NRXN3: variants seen among roughly 807,000 people sequenced by gnomAD.
NRXN3 encodes the protein neurexin 3, also known as neurexin III.
NRXN3 carries 32 observed loss-of-function variants against 137.6 expected under a neutral mutation model. The observed-to-expected ratio is 0.23, with a 90% CI of 0.18 to 0.31. The LOEUF is 0.31. NRXN3 is among the 10% of genes least tolerant of loss of function. NRXN3 has a pLI of 1.00. For synonymous variants in NRXN3, 798 were observed against 784.5 expected (o/e 1.02, Z -0.29); for missense variants, 1,574 against 2,062.5 (o/e 0.76, Z 4.59).
At chr14:79,776,516 G>A (rs1436294622) in intron 19 of NRXN3, among the ~76,000 whole-genome samples, 1 of 152,176 alleles carries the variant, frequency 6.6e-6, no homozygotes, top group Non-Finnish European at 1.5e-5. Context: ...CCATGGGCAT[G>A]GTTATCTCAT....
chr14:78,175,572 G>A (rs1182158534), intron 1 of NRXN3, among the ~76,000 whole-genome samples: 3 of 152,230 alleles, frequency 2.0e-5, no homozygotes, highest in Admixed American at 2.0e-4. Context: ...ACCTGCTGGG[G>A]GAAGAACTGT....
chr14:78,613,780 C>T (rs1246183282), intron 4 of NRXN3, among the ~76,000 whole-genome samples: 1 of 151,882 alleles, frequency 6.6e-6, no homozygotes, highest in African/African-American at 2.4e-5. Flanking sequence ...AGAAGGAAAT[C>T]CTAACAGAAC....
chr14:78,273,967 C>T (rs17828054), intron 2 of NRXN3, among the ~76,000 whole-genome samples: 25,397 of 152,150 alleles, frequency 0.17, 2,481 homozygotes, highest in Middle Eastern at 0.23. Flanking sequence ...GACTGGGACT[C>T]GCCTACAGGA....
chr14:79,617,145 G>A (rs1446911853), intron 16 of NRXN3, among the ~76,000 whole-genome samples: 1 of 152,104 alleles, frequency 6.6e-6, no homozygotes, highest in East Asian at 1.9e-4. Flanking sequence ...TTGACTCCAG[G>A]AATTGCTCTC....
chr14:79,812,882 G>A lies in NRXN3; in HGVS notation c.4093+7692G>A, dbSNP rs141976477. Among the ~76,000 whole-genome samples the A allele has an allele frequency of 1.1e-3, 164 of 152,220 alleles. 2 individuals are homozygous for A. Among genetic ancestry groups the A allele is most frequent in the African/African-American group, 1.7e-3 (71 of 41,542 alleles). On this transcript the variant is annotated intron_variant, in intron 20 of 20. Coordinates refer to ENST00000335750, the MANE Select transcript of NRXN3 (RefSeq NM_001330195.2). ...TGAGCTTAATGACATCATTAAGCAAGTCCCCCAAAAATAAATAAAGAGGGA... is the reference window on the plus strand; with the variant it reads ...TGAGCTTAATGACATCATTAAGCAAATCCCCCAAAAATAAATAAAGAGGGA...
At chr14:78,697,542 A>G (rs532274578) in intron 6 of NRXN3, among the ~76,000 whole-genome samples, 13 of 152,060 alleles carry the variant, frequency 8.5e-5, no homozygotes, top group Admixed American at 7.2e-4. Context: ...TTGATTTTGC[A>G]TGGCATAAGG....
intron 19 of NRXN3, among the ~76,000 whole-genome samples, chr14:79,782,749 A>G (rs2099117783): frequency 6.6e-6 from 1 of 152,164 alleles, no homozygotes; most frequent in South Asian, 2.1e-4. Flanking sequence ...CAACATAGAG[A>G]AGAGAAAGAA....
chr14:79,087,969 A>C (rs1201022079), intron 15 of NRXN3, among the ~76,000 whole-genome samples: 2 of 150,744 alleles, frequency 1.3e-5, no homozygotes, highest in African/African-American at 5.0e-5. Flanking sequence ...AAGCAACACC[A>C]GTATTTGGAT....
At chr14:79,834,408 T>G (rs2099331111) in intron 20 of NRXN3, among the ~76,000 whole-genome samples, 1 of 152,152 alleles carries the variant, frequency 6.6e-6, no homozygotes, top group African/African-American at 2.4e-5. Context: ...GATCTGATTC[T>G]CCTGGAAGGC....
chr14:79,509,561 GTATGTATATATA>G (rs1360224994), intron 16 of NRXN3, among the ~76,000 whole-genome samples: 2 of 148,466 alleles, frequency 1.3e-5, no homozygotes, highest in African/African-American at 5.0e-5. Flanking sequence ...GTGTGTGCAT[GTATGTATATATA>G]TATGTGTGTA....
chr14:79,136,420 A>G lies in NRXN3; in HGVS notation c.3262+148279A>G, dbSNP rs537299091. ...AGTTTCTCCTGTTTCCTTTTCCGTT[A>G]ATGACCAACTTTATATACACTCAAA... On this transcript the variant is annotated intron_variant, in intron 15 of 20. Coordinates refer to ENST00000335750, the MANE Select transcript of NRXN3 (RefSeq NM_001330195.2). 1.1e-3 allele frequency among the ~76,000 whole-genome samples: 161 copies of G among 152,312 alleles called. 1 individual carries two copies. The highest frequency in any genetic ancestry group is 3.7e-3 in the African/African-American group (154 of 41,554).
intron 2 of NRXN3, among the ~76,000 whole-genome samples, chr14:78,271,172 C>T (rs2153487602): frequency 6.6e-6 from 1 of 152,320 alleles, no homozygotes; most frequent in Admixed American, 6.5e-5. Flanking sequence ...AGTGATTTAA[C>T]ATGTATAGAA....
intron 15 of NRXN3, among the ~76,000 whole-genome samples, chr14:79,132,105 T>C (rs2057603014): frequency 6.6e-6 from 1 of 152,238 alleles, no homozygotes; most frequent in Non-Finnish European, 1.5e-5. Context: ...ATGAACCTGG[T>C]ACCTCAGATG....
chr14:78,490,010 G>A (rs1406887814), intron 4 of NRXN3, among the ~76,000 whole-genome samples: 1 of 151,880 alleles, frequency 6.6e-6, no homozygotes, highest in African/African-American at 2.4e-5. Context: ...TGCCTCCTGG[G>A]TTCAAGCGAT....
intron 15 of NRXN3, among the ~76,000 whole-genome samples, chr14:79,142,306 T>C (rs1190013640): frequency 1.3e-5 from 2 of 151,924 alleles, no homozygotes; most frequent in Non-Finnish European, 2.9e-5. Context: ...GGCACCTGTA[T>C]TCCCAGCTAG....
At chr14:79,215,788 G>A (rs1480606580) in intron 15 of NRXN3, among the ~76,000 whole-genome samples, 1 of 152,146 alleles carries the variant, frequency 6.6e-6, no homozygotes, top group Non-Finnish European at 1.5e-5. Context: ...GGTCAGATTG[G>A]TAAAAGTTAT....
chr14:79,046,708 C>T lies in NRXN3; in HGVS notation c.3262+58567C>T, dbSNP rs182272271. 7.2e-5 allele frequency among the ~76,000 whole-genome samples: 11 copies of T among 152,224 alleles called. No individual in the cohort carries two copies. The East Asian group carries it at 1.9e-3, about 27-fold the overall frequency. On this transcript the variant is annotated intron_variant, in intron 15 of 20. Coordinates refer to ENST00000335750, the MANE Select transcript of NRXN3 (RefSeq NM_001330195.2). ...TACTTAACTCTCTAAGGTTAAATATCCTCCTCTATAAAAACCTGATAGTAT... is the reference window on the plus strand; with the variant it reads ...TACTTAACTCTCTAAGGTTAAATATTCTCCTCTATAAAAACCTGATAGTAT...
intron 10 of NRXN3, among the ~76,000 whole-genome samples, chr14:78,848,851 A>G (rs1185597404): frequency 6.6e-6 from 1 of 152,086 alleles, no homozygotes; most frequent in African/African-American, 2.4e-5. Context: ...AGTTGCTGGA[A>G]GTGATGAATT....
intron 4 of NRXN3, among the ~76,000 whole-genome samples, chr14:78,486,172 A>G (rs190776412): frequency 1.9e-3 from 282 of 152,306 alleles, no homozygotes; most frequent in Non-Finnish European, 3.3e-3. Flanking sequence ...AAATACTGCT[A>G]TAATAAGGAA....
Sources: gnomAD v4.1 joint callset for allele counts (sites outside exome capture counted in the v4.1 genomes callset) on GRCh38, gnomAD v4.1.1 for gene constraint, MANE v1.5 for transcripts, NCBI Gene and HGNC (gene_info 2026-07-23, HGNC 2026-07-21) for gene names.